The following CEP112 variants were observed in gnomAD, a reference collection of about 807,000 sequenced individuals.
The protein encoded by CEP112 is centrosomal protein of 112 kDa.
Under a neutral mutation model 153.0 loss-of-function variants are expected in CEP112, and 127 were observed. The ratio of observed to expected loss-of-function variants is 0.83; its 90% confidence interval spans 0.72 to 0.96. The LOEUF is 0.96. Among genes scored for constraint, CEP112 ranks in the 40% least tolerant of loss-of-function variants. The pLI, the probability that CEP112 is intolerant of heterozygous loss-of-function variation, is 0.00. For synonymous variants in CEP112, 358 were observed against 374.4 expected (o/e 0.96, Z 0.51); for missense variants, 1,089 against 1,101.2 (o/e 0.99, Z 0.16).
intron 4 of CEP112, among the ~76,000 whole-genome samples, chr17:66,145,506 A>C (rs899602825): frequency 5.9e-5 from 9 of 152,096 alleles, no homozygotes; most frequent in African/African-American, 1.9e-4. Context: ...TACTTTTAGC[A>C]TTTTCATTTA....
intron 18 of CEP112, among the ~76,000 whole-genome samples, chr17:65,959,018 G>C (rs11652237): frequency 0.48 from 72,792 of 151,834 alleles, 18,429 homozygotes; most frequent in East Asian, 0.89. Context: ...AAGAGCTGCA[G>C]ATGTCAGGAC....
intron 4 of CEP112, among the ~76,000 whole-genome samples, chr17:66,169,737 C>T (rs890946578): frequency 1.3e-5 from 2 of 152,124 alleles, no homozygotes; most frequent in African/African-American, 4.8e-5. Flanking sequence ...TTTTTATAAA[C>T]ATGTATTATA....
At chr17:65,679,991 C>G (rs1263782284) in intron 24 of CEP112, among the ~76,000 whole-genome samples, 1 of 152,226 alleles carries the variant, frequency 6.6e-6, no homozygotes, top group Non-Finnish European at 1.5e-5. Flanking sequence ...AGGAAGGAAT[C>G]AGCAGAATGC....
At chr17:65,773,843 G>T (rs1418739235) in intron 21 of CEP112, among the ~76,000 whole-genome samples, 2 of 152,160 alleles carry the variant, frequency 1.3e-5, no homozygotes, top group Non-Finnish European at 2.9e-5. Context: ...CCAGTGCTTT[G>T]GGAGGACGAG....
intron 18 of CEP112, among the ~76,000 whole-genome samples, chr17:65,945,401 G>A (rs2061619816): frequency 6.6e-6 from 1 of 152,204 alleles, no homozygotes; most frequent in East Asian, 1.9e-4. Context: ...CACATATGTA[G>A]GTGCAGAATA....
chr17:65,854,376 A>G (rs939711365), intron 20 of CEP112, among the ~76,000 whole-genome samples: 1 of 152,212 alleles, frequency 6.6e-6, no homozygotes, highest in African/African-American at 2.4e-5. Flanking sequence ...AATAATTGCT[A>G]TAATTTTGAG....
intron 20 of CEP112, among the ~76,000 whole-genome samples, chr17:65,876,612 C>T (rs2058837141): frequency 6.6e-6 from 1 of 152,154 alleles, no homozygotes; most frequent in Non-Finnish European, 1.5e-5. Context: ...CCCTTCGGCC[C>T]TGTAACTTCA....
chr17:66,064,871 C>T (rs1418123499), intron 10 of CEP112, among the ~76,000 whole-genome samples: 4 of 151,988 alleles, frequency 2.6e-5, no homozygotes, highest in Non-Finnish European at 5.9e-5. Context: ...GAGAAAAAAC[C>T]TAAACGAATT....
chr17:66,149,632 C>T (rs1164207038), intron 4 of CEP112, among the ~76,000 whole-genome samples: 1 of 151,990 alleles, frequency 6.6e-6, no homozygotes, highest in Non-Finnish European at 1.5e-5. Flanking sequence ...TCATAGTCCT[C>T]TCTTACAACC....
intron 6 of CEP112, among the ~76,000 whole-genome samples, chr17:66,106,441 A>AATCAGAGAT (rs1192879824): frequency 2.0e-5 from 3 of 152,130 alleles, no homozygotes; most frequent in African/African-American, 7.2e-5. Flanking sequence ...AAATAAATAA[A>AATCAGAGAT]ATCAGAGATG....
At chr17:65,950,183 G>A (rs1450690738) in intron 18 of CEP112, among the ~76,000 whole-genome samples, 1 of 152,088 alleles carries the variant, frequency 6.6e-6, no homozygotes, top group Non-Finnish European at 1.5e-5. Flanking sequence ...TATGTGTTAG[G>A]TGGAAAATAG....
At chr17:66,150,324 A>G (rs1216741164) in intron 4 of CEP112, among the ~76,000 whole-genome samples, 1 of 151,528 alleles carries the variant, frequency 6.6e-6, no homozygotes, top group Non-Finnish European at 1.5e-5. Context: ...CAGCCTCCCA[A>G]GGAGATGGGA....
chr17:66,081,330 T>C (rs7219559), intron 8 of CEP112, among the ~76,000 whole-genome samples: 62,729 of 151,840 alleles, frequency 0.41, 14,279 homozygotes, highest in East Asian at 0.87. Flanking sequence ...ATCAGAAAAA[T>C]CAGAATAGTG....
intron 21 of CEP112, among the ~76,000 whole-genome samples, chr17:65,848,807 TA>T (rs2057818215): frequency 6.6e-6 from 1 of 152,210 alleles, no homozygotes; most frequent in African/African-American, 2.4e-5. Flanking sequence ...TTAACCAACC[TA>T]ATCAGTGCTA....
At chr17:66,043,779 C>T (rs938510506) in intron 12 of CEP112, among the ~76,000 whole-genome samples, 3 of 152,120 alleles carry the variant, frequency 2.0e-5, no homozygotes, top group South Asian at 2.1e-4. Context: ...TACCAAAATG[C>T]GTAAGTCTCA....
At chr17:66,009,416 T>C (rs1431610588) in intron 16 of CEP112, among the ~76,000 whole-genome samples, 5 of 152,194 alleles carry the variant, frequency 3.3e-5, no homozygotes, top group Non-Finnish European at 7.3e-5. Flanking sequence ...GTTTTTGCTA[T>C]AAAATTGTTT....
At chr17:65,648,816 C>T (rs573225976) in intron 24 of CEP112, among the ~76,000 whole-genome samples, 2 of 151,934 alleles carry the variant, frequency 1.3e-5, no homozygotes, top group East Asian at 1.9e-4. Context: ...TCTGGGAGGC[C>T]GAGGTGGGTG....
At chr17:66,020,229 C>A (rs1442033637) in intron 16 of CEP112, among the ~76,000 whole-genome samples, 2 of 152,120 alleles carry the variant, frequency 1.3e-5, no homozygotes, top group African/African-American at 2.4e-5. Context: ...GATACTGATG[C>A]CTTATACAGG....
chr17:66,129,167 A>G (rs2070006656), intron 6 of CEP112, among the ~76,000 whole-genome samples: 1 of 152,200 alleles, frequency 6.6e-6, no homozygotes, highest in South Asian at 2.1e-4. Context: ...CAAAGCTCCA[A>G]TGCAACGCAG....
Sources: gnomAD v4.1 joint callset for allele counts (sites outside exome capture counted in the v4.1 genomes callset) on GRCh38, gnomAD v4.1.1 for gene constraint, MANE v1.5 for transcripts, NCBI Gene and HGNC (gene_info 2026-07-23, HGNC 2026-07-21) for gene names.